Variants in AHI1 observed in about 807,000 individuals in gnomAD.
AHI1 encodes the protein Abelson helper integration site 1.
Under a neutral mutation model 149.3 loss-of-function variants are expected in AHI1, and 123 were observed. The observed-to-expected ratio is 0.82, with a 90% CI of 0.71 to 0.96. The LOEUF (loss-of-function observed/expected upper bound fraction) is 0.96, where lower values mean the gene tolerates loss of function less well. AHI1 is among the 40% of genes least tolerant of loss of function. The probability of loss-of-function intolerance (pLI) is 0.00; values close to 1 mark genes in which losing one functional copy is unlikely to be tolerated. For synonymous variants in AHI1, 475 were observed against 459.8 expected (o/e 1.03, Z -0.42); for missense variants, 1,439 against 1,422.7 (o/e 1.01, Z -0.18).
intron 21 of AHI1, among the ~76,000 whole-genome samples, chr6:135,410,315 A>G (rs951305898): frequency 1.3e-5 from 2 of 152,222 alleles, no homozygotes; most frequent in Non-Finnish European, 2.9e-5. Flanking sequence ...GACTGCAGTG[A>G]GCAATGATCA....
chr6:135,398,681 C>T (rs1230455076), intron 22 of AHI1, among the ~76,000 whole-genome samples: 1 of 152,132 alleles, frequency 6.6e-6, no homozygotes, highest in Non-Finnish European at 1.5e-5. Context: ...TTCTCAAAAC[C>T]TTTACCTCCT....
rs370073918 is a variant in AHI1 at position 135,408,483 on chromosome 6, G to C, written c.2961+2865C>G. 7.9e-5 allele frequency among the ~76,000 whole-genome samples: 12 copies of C among 151,940 alleles called. 1 individual carries two copies. The highest frequency in any genetic ancestry group is 1.9e-4 in the East Asian group (1 of 5,184). ...TAATTTATAGTTATATATTCTAAAA[G>C]TTAACTAAGAAATATATATACTTTT... On this transcript the variant is annotated intron_variant, in intron 21 of 28. Transcript: ENST00000265602.
rs533296867 is a variant in AHI1 at position 135,290,422 on chromosome 6, C to T, written c.3588+1G>A. 31 of 1,518,308 alleles carry T rather than the reference C, an allele frequency of 2.0e-5. No individual in the cohort carries two copies. In the African/African-American group the frequency reaches 4.0e-4, roughly 19 times the overall value. The allele number at this position is 1,518,308 out of a possible 1,614,324, so 94.1% of individuals were successfully genotyped here. ...CAACTTTCTATTGGTTTTCCCCTTA[C>T]CTCTATTAGAGTGACTTTTCTGCCT... On this transcript the variant is annotated splice_donor_variant, in intron 28 of 28. Transcript: ENST00000265602. LOFTEE classifies it high-confidence loss of function.
intron 23 of AHI1, among the ~76,000 whole-genome samples, chr6:135,387,214 C>CAGG (rs1407383161): frequency 3.3e-5 from 5 of 152,126 alleles, no homozygotes; most frequent in African/African-American, 1.2e-4. Flanking sequence ...GGAAAAACTA[C>CAGG]AGGTTGCAAA....
At chr6:135,443,228 C>T (rs936764605) in intron 13 of AHI1, among the ~76,000 whole-genome samples, 4 of 152,198 alleles carry the variant, frequency 2.6e-5, no homozygotes, top group Non-Finnish European at 5.9e-5. Flanking sequence ...TCAATCGGCC[C>T]TTATTGGTCT....
At chr6:135,474,966 AGTCT>A (rs1562260486) in intron 5 of AHI1, among the ~76,000 whole-genome samples, 1 of 152,248 alleles carries the variant, frequency 6.6e-6, no homozygotes, top group Non-Finnish European at 1.5e-5. Flanking sequence ...AGTCTGGAAG[AGTCT>A]GTATAGAATT....
intron 5 of AHI1, among the ~76,000 whole-genome samples, chr6:135,481,933 T>C (rs1336350908): frequency 6.6e-6 from 1 of 151,844 alleles, no homozygotes; most frequent in Non-Finnish European, 1.5e-5. Context: ...TAGAATAGTT[T>C]CTGATGAGAA....
At chr6:135,482,688 G>C (rs2128124363) in intron 5 of AHI1, among the ~76,000 whole-genome samples, 1 of 151,268 alleles carries the variant, frequency 6.6e-6, no homozygotes, top group Admixed American at 6.6e-5. Flanking sequence ...TCCTCTCCTA[G>C]AGTCTGTTTC....
chr6:135,414,417 C>A (rs1782046061), intron 20 of AHI1, among the ~76,000 whole-genome samples: 2 of 152,122 alleles, frequency 1.3e-5, no homozygotes, highest in African/African-American at 4.8e-5. Flanking sequence ...CACTAAAATG[C>A]ATAAAAGAAC....
chr6:135,373,119 T>C (rs1226372715), intron 23 of AHI1, among the ~76,000 whole-genome samples: 1 of 152,272 alleles, frequency 6.6e-6, no homozygotes, highest in Non-Finnish European at 1.5e-5. Context: ...GTAATGTTCC[T>C]AAACTTAGTG....
intron 24 of AHI1, among the ~76,000 whole-genome samples, chr6:135,335,386 T>G (rs1215946574): frequency 6.6e-6 from 1 of 151,972 alleles, no homozygotes; most frequent in Non-Finnish European, 1.5e-5. Context: ...ACAACAATCA[T>G]CAGTTACCTA....
chr6:135,340,485 T>A (rs936924523), intron 24 of AHI1, among the ~76,000 whole-genome samples: 14 of 151,208 alleles, frequency 9.3e-5, no homozygotes, highest in African/African-American at 3.4e-4. Context: ...GCAAGATAAC[T>A]GATAATTCAG....
intron 24 of AHI1, among the ~76,000 whole-genome samples, chr6:135,327,714 T>C (rs1325787461): frequency 2.0e-5 from 3 of 152,056 alleles, no homozygotes; most frequent in Non-Finnish European, 4.4e-5. Flanking sequence ...CTGTAGGTCT[T>C]ATGAGCAATC....
rs557262794 is a variant in AHI1, at chr6:135,468,059, A to G, written c.136-425T>C. Among the ~76,000 whole-genome samples, 5 of 152,328 alleles carry G rather than the reference A, an allele frequency of 3.3e-5. No individual in the cohort carries two copies. In the Middle Eastern group the frequency reaches 0.017, roughly 518 times the overall value. On this transcript the variant is annotated intron_variant, in intron 5 of 28. Coordinates refer to ENST00000265602, the MANE Select transcript of AHI1 (RefSeq NM_001134831.2). ...AAAGTAGTTAAAAAATATCCAATGT[A>G]TATAAAAAGGTGATTTAAAAAATGC...
At chr6:135,393,645 G>A (rs1212953952) in intron 23 of AHI1, among the ~76,000 whole-genome samples, 2 of 152,090 alleles carry the variant, frequency 1.3e-5, no homozygotes, top group African/African-American at 2.4e-5. Flanking sequence ...TCTAAGGTTT[G>A]AGATAACTGT....
chr6:135,392,718 TAG>T lies in AHI1; in HGVS notation c.3109+2056_3109+2057del, dbSNP rs570609289. Among the ~76,000 whole-genome samples the T allele has an allele frequency of 4.2e-3, 643 of 152,326 alleles. 2 individuals carry two copies. The highest frequency in any genetic ancestry group is 0.015 in the African/African-American group (617 of 41,578). On this transcript the variant is annotated intron_variant, in intron 23 of 28. Coordinates refer to ENST00000265602, the MANE Select transcript of AHI1 (RefSeq NM_001134831.2). Reference sequence around the variant, plus strand: ...TTTACAAACTGATTTGAACACTGAATAGAATCACAGAATTTTTAAAGCAGAAA... The same window carrying T: ...TTTACAAACTGATTTGAACACTGAATAATCACAGAATTTTTAAAGCAGAAA...
At chr6:135,488,912 A>G (rs1339125049) in intron 5 of AHI1, among the ~76,000 whole-genome samples, 2 of 152,192 alleles carry the variant, frequency 1.3e-5, no homozygotes, top group East Asian at 3.8e-4. Flanking sequence ...ACCATTTACT[A>G]TGTAACTTTC....
intron 24 of AHI1, among the ~76,000 whole-genome samples, chr6:135,329,569 C>T (rs1411636528): frequency 6.6e-6 from 1 of 152,156 alleles, no homozygotes; most frequent in African/African-American, 2.4e-5. Flanking sequence ...ACTGGTCTAC[C>T]AAAGAGCTCT....
chr6:135,349,333 G>T (rs1791722766), intron 24 of AHI1, among the ~76,000 whole-genome samples: 1 of 152,166 alleles, frequency 6.6e-6, no homozygotes, highest in Admixed American at 6.5e-5. Flanking sequence ...GAAGAAAAAA[G>T]ATTACTGGGT....
Sources: allele counts gnomAD v4.1 joint callset (sites outside exome capture counted in the v4.1 genomes callset), GRCh38; gene constraint gnomAD v4.1.1; transcripts MANE v1.5; gene names NCBI Gene and HGNC (gene_info 2026-07-23, HGNC 2026-07-21).